NRXN3: variants seen among roughly 807,000 people sequenced by gnomAD.
NRXN3 encodes neurexin III.
A neutral mutation model predicts 137.6 loss-of-function variants in NRXN3; 32 were observed. The observed-to-expected ratio is 0.23, with a 90% CI of 0.18 to 0.31. NRXN3 has a LOEUF of 0.31. Among genes scored for constraint, NRXN3 ranks in the 10% least tolerant of loss-of-function variants. NRXN3 has a pLI of 1.00. For missense variants in NRXN3, 1,574 were observed against 2,062.5 expected, an observed-to-expected ratio of 0.76 and a Z score of 4.59; for synonymous variants, 798 against 784.5, an observed-to-expected ratio of 1.02 and a Z score of -0.29.
intron 5 of NRXN3, among the ~76,000 whole-genome samples, chr14:78,645,651 AC>A (rs1442138936): frequency 6.0e-5 from 9 of 151,110 alleles, no homozygotes; most frequent in Admixed American, 3.3e-4. Context: ...AAAAAAAAAA[AC>A]AACTCAGTTG....
At chr14:78,690,493 A>G (rs1255567052) in intron 6 of NRXN3, among the ~76,000 whole-genome samples, 1 of 152,192 alleles carries the variant, frequency 6.6e-6, no homozygotes, top group East Asian at 1.9e-4. Flanking sequence ...CATGTGTAAC[A>G]CTTCTACTAA....
rs186684555 is a variant in NRXN3, at chr14:78,626,838, C to T, written c.758-18282C>T. 9.8e-4 allele frequency among the ~76,000 whole-genome samples: 150 copies of T among 152,306 alleles called. 4 individuals are homozygous for T. In the East Asian group the frequency reaches 0.026, roughly 27 times the overall value. On this transcript the variant is annotated intron_variant, in intron 4 of 20. Coordinates refer to ENST00000335750, the MANE Select transcript of NRXN3 (RefSeq NM_001330195.2). ...GAGCACTCTTATCACTTGGAATGCC[C>T]GTCAGGGCTCACAGAGAGTGGAGAA...
At chr14:79,441,364 A>ATTTTT (rs2095942733) in intron 15 of NRXN3, among the ~76,000 whole-genome samples, 3 of 108,328 alleles carry the variant, frequency 2.8e-5, no homozygotes, top group African/African-American at 6.9e-5. Flanking sequence ...CAAACAGAAA[A>ATTTTT]TCTTTTTTTT....
chr14:79,193,841 C>G (rs556923654), intron 15 of NRXN3, among the ~76,000 whole-genome samples: 1 of 152,272 alleles, frequency 6.6e-6, no homozygotes, highest in East Asian at 1.9e-4. Context: ...GAATTTCCTA[C>G]AAAGTATGGA....
chr14:79,347,918 A>T (rs181130754), intron 15 of NRXN3, among the ~76,000 whole-genome samples: 158 of 152,326 alleles, frequency 1.0e-3, no homozygotes, highest in Non-Finnish European at 1.7e-3. Flanking sequence ...CGAAGTGACG[A>T]TGACATTTTT....
At chr14:79,576,063 A>G (rs2097662048) in intron 16 of NRXN3, among the ~76,000 whole-genome samples, 1 of 152,190 alleles carries the variant, frequency 6.6e-6, no homozygotes, top group Non-Finnish European at 1.5e-5. Flanking sequence ...GGTGTGCAAA[A>G]GAATGTGTAG....
chr14:78,705,180 G>A (rs549832920), intron 6 of NRXN3, among the ~76,000 whole-genome samples: 4 of 152,312 alleles, frequency 2.6e-5, no homozygotes, highest in East Asian at 1.9e-4. Context: ...TCACCGAGGC[G>A]ACTTGTCAGC....
chr14:78,847,783 G>C (rs570312536), intron 10 of NRXN3, among the ~76,000 whole-genome samples: 1 of 152,094 alleles, frequency 6.6e-6, no homozygotes, highest in Non-Finnish European at 1.5e-5. Context: ...AAAGTGGTGA[G>C]AGTGCAACTA....
chr14:78,476,072 A>G (rs921649471), intron 4 of NRXN3, among the ~76,000 whole-genome samples: 2 of 152,238 alleles, frequency 1.3e-5, no homozygotes, highest in Admixed American at 6.5e-5. Flanking sequence ...ATAATTCCCA[A>G]TGACATTGCT....
intron 15 of NRXN3, among the ~76,000 whole-genome samples, chr14:79,208,573 G>A (rs868598041): frequency 1.4e-4 from 22 of 152,206 alleles, no homozygotes; most frequent in African/African-American, 5.1e-4. Flanking sequence ...CTAAGTAACA[G>A]TAATATTCAT....
At chr14:79,607,767 C>T (rs1042437527) in intron 16 of NRXN3, among the ~76,000 whole-genome samples, 2 of 151,502 alleles carry the variant, frequency 1.3e-5, no homozygotes, top group South Asian at 2.1e-4. Flanking sequence ...CCCTTCTCCC[C>T]TCTTGGGCTC....
At chr14:79,458,351 TG>T (rs1191910727) in intron 15 of NRXN3, among the ~76,000 whole-genome samples, 1 of 152,212 alleles carries the variant, frequency 6.6e-6, no homozygotes, top group African/African-American at 2.4e-5. Context: ...AGAGATGCTG[TG>T]AGCTCTAACT....
chr14:78,783,099 T>C (rs536267953), intron 8 of NRXN3, among the ~76,000 whole-genome samples: 80 of 152,292 alleles, frequency 5.3e-4, no homozygotes, highest in Non-Finnish European at 9.3e-4. Flanking sequence ...CTAATACATG[T>C]ATCAACTACA....
At chr14:78,942,810 G>C (rs1050232389) in intron 10 of NRXN3, among the ~76,000 whole-genome samples, 1 of 151,936 alleles carries the variant, frequency 6.6e-6, no homozygotes, top group Non-Finnish European at 1.5e-5. Flanking sequence ...TGAGATGATG[G>C]ATATGCTAAT....
At chr14:79,296,513 C>T (rs1284865086) in intron 15 of NRXN3, among the ~76,000 whole-genome samples, 1 of 150,300 alleles carries the variant, frequency 6.7e-6, no homozygotes, top group Non-Finnish European at 1.5e-5. Flanking sequence ...GCTTGTAGAG[C>T]TCAGTTGTGA....
intron 8 of NRXN3, among the ~76,000 whole-genome samples, chr14:78,796,226 G>A (rs1038938684): frequency 5.3e-5 from 8 of 152,194 alleles, no homozygotes; most frequent in African/African-American, 1.9e-4. Flanking sequence ...TTGCTTATAA[G>A]GCAGAGGTTC....
At chr14:78,354,218 T>C (rs1179449669) in intron 4 of NRXN3, among the ~76,000 whole-genome samples, 2 of 152,220 alleles carry the variant, frequency 1.3e-5, no homozygotes, top group Non-Finnish European at 2.9e-5. Context: ...TGTAGACATC[T>C]GGAGTTTGGA....
rs576885568 is a variant in NRXN3 at position 78,276,106 on chromosome 14, C to T, written c.710-2539C>T. Among the ~76,000 whole-genome samples, 5 of 152,274 alleles carry T rather than the reference C, an allele frequency of 3.3e-5. No homozygotes were observed. In the South Asian group the frequency reaches 1.0e-3, roughly 32 times the overall value. On this transcript the variant is annotated intron_variant, in intron 2 of 20. Coordinates refer to ENST00000335750, the MANE Select transcript of NRXN3 (RefSeq NM_001330195.2). ...AGGAACTGAGCTTGGACCTTGATCC[C>T]CAGCCAGAAGATTTTGTTCATTTGT...
At chr14:79,043,682 C>T (rs539330935) in intron 15 of NRXN3, among the ~76,000 whole-genome samples, 4 of 152,220 alleles carry the variant, frequency 2.6e-5, no homozygotes, top group African/African-American at 7.2e-5. Flanking sequence ...TAGGTGGTGG[C>T]GGCAGTGTGG....
Sources: allele counts gnomAD v4.1 joint callset (sites outside exome capture counted in the v4.1 genomes callset), GRCh38; gene constraint gnomAD v4.1.1; transcripts MANE v1.5; gene names NCBI Gene and HGNC (gene_info 2026-07-23, HGNC 2026-07-21).